Variants in CORO7 observed in about 807,000 individuals in gnomAD.
CORO7 encodes the protein coronin 7.
A neutral mutation model predicts 126.6 loss-of-function variants in CORO7; 107 were observed. That is an observed-to-expected ratio of 0.85 (90% confidence interval 0.72 to 0.99). CORO7 has a LOEUF of 0.99. Ranked by LOEUF, CORO7 falls within the 50% of genes least tolerant of loss-of-function variation. The pLI is 0.00. For missense variants in CORO7, 1,314 were observed against 1,255.8 expected (o/e 1.05, Z -0.70); for synonymous variants, 603 against 536.8 (o/e 1.12, Z -1.70).
At chr16:4,397,582 A>C (rs193210259) in intron 6 of CORO7, 4 of 152,218 alleles carry the variant, frequency 2.6e-5, no homozygotes, top group African/African-American at 9.7e-5. Flanking sequence ...GCAATACGGC[A>C]AAGTCCATCA....
intron 9 of CORO7, among the ~76,000 whole-genome samples, chr16:4,385,465 C>G (rs778063621): frequency 6.6e-6 from 1 of 152,188 alleles, no homozygotes; most frequent in Non-Finnish European, 1.5e-5. Flanking sequence ...CACTCATCCC[C>G]GCTCAATTCA....
chr16:4,368,259 A>G (rs1194365134), intron 9 of CORO7, among the ~76,000 whole-genome samples: 1 of 152,054 alleles, frequency 6.6e-6, no homozygotes, highest in African/African-American at 2.4e-5. Flanking sequence ...AGGCAGGAGA[A>G]CCACTTGAAC....
chr16:4,361,181 C>T lies in CORO7; in HGVS notation c.1755G>A (p.Thr585=), dbSNP rs577331784. ...CCTGACCTGTGAGCACAGTCTCTGG[C>T]GTGGTGAGCACCTCTTCCAGGCCCT... is the stretch of plus-strand genomic sequence containing the variant. The part of the protein sequence containing the change: ...PAEGLEEVLT[T]PETVLTGHTE... Residue 585 remains threonine (T), a synonymous_variant, in exon 18 of 28, where the codon ACG becomes ACA. Coordinates refer to ENST00000251166, the MANE Select transcript of CORO7 (RefSeq NM_024535.5). 51 of 1,612,740 alleles carry T rather than the reference C, an allele frequency of 3.2e-5. No homozygotes were observed. The highest frequency in any genetic ancestry group is 3.3e-4 in the Middle Eastern group (2 of 6,034).
At chr16:4,411,626 C>T (rs1025951210) in intron 3 of CORO7, among the ~76,000 whole-genome samples, 1 of 152,120 alleles carries the variant, frequency 6.6e-6, no homozygotes, top group African/African-American at 2.4e-5. Flanking sequence ...TAAATCTTTA[C>T]TATTGTTATT....
chr16:4,381,978 G>A (rs775506831), intron 9 of CORO7: 43 of 1,608,000 alleles, frequency 2.7e-5, no homozygotes, highest in Non-Finnish European at 3.6e-5. Context: ...TGGTGCGGGA[G>A]CCCACAGCCT....
At chr16:4,359,192 A>G (rs2054077231) in intron 23 of CORO7, 104 bp downstream of exon 23, 2 of 1,285,960 alleles carry the variant, frequency 1.6e-6, no homozygotes, top group Admixed American at 2.7e-5. Context: ...CCAGCCCAGG[A>G]CTCTGACCCC....
At chr16:4,357,381 G>T (rs1433599803) in intron 25 of CORO7, 122 bp from the exon 26 acceptor site, 11 of 1,060,796 alleles carry the variant, frequency 1.0e-5, no homozygotes, top group Non-Finnish European at 1.4e-5. Context: ...TTTTGAGATG[G>T]AGTTTTGCTC....
intron 7 of CORO7, among the ~76,000 whole-genome samples, chr16:4,394,658 G>T (rs1821643861): frequency 6.6e-6 from 1 of 152,170 alleles, no homozygotes; most frequent in Admixed American, 6.5e-5. Flanking sequence ...GAAGCCCCCA[G>T]CAACTACCTG....
intron 9 of CORO7, among the ~76,000 whole-genome samples, chr16:4,377,099 C>T (rs1474793159): frequency 6.6e-6 from 1 of 152,180 alleles, no homozygotes; most frequent in Admixed American, 6.5e-5. Flanking sequence ...GCTGTGGACC[C>T]TGTCGCCCTA....
intron 6 of CORO7, among the ~76,000 whole-genome samples, chr16:4,405,283 C>T (rs1407937791): frequency 6.6e-6 from 1 of 152,258 alleles, no homozygotes; most frequent in Non-Finnish European, 1.5e-5. Flanking sequence ...GGGCTCTCAT[C>T]TGACAGGGGC....
chr16:4,389,573 G>A (rs979433334), intron 7 of CORO7, among the ~76,000 whole-genome samples: 3 of 152,186 alleles, frequency 2.0e-5, no homozygotes, highest in South Asian at 2.1e-4. Context: ...GGAGACCATC[G>A]GAAACGGCTC....
intron 19 of CORO7, 41 bp downstream of exon 19, chr16:4,360,879 CACCTCTCCACACTGCTGGCCCCG>C (rs1429831547): frequency 8.7e-6 from 3 of 345,432 alleles, no homozygotes; most frequent in Non-Finnish European, 1.4e-5. Context: ...CTGCTGGCCC[CACCTCTCCACACTGCTGGCCCCG>C]CCTCTCCACA....
rs144121826 is a variant in CORO7 at position 4,359,438 on chromosome 16, C to A, written c.2250+42G>T. On this transcript the variant is annotated intron_variant, in intron 22 of 27. Transcript: ENST00000251166. ...CCTCCGGCAACACTGGCCTTCCCCC[C>A]ACCACCTCTCACCTGCCATCCCGCC... 9.7e-3 allele frequency: 15,688 copies of A among 1,613,458 alleles called. 89 individuals carry two copies. Among genetic ancestry groups the A allele is most frequent in the Middle Eastern group, 0.02 (121 of 6,058 alleles).
chr16:4,377,506 G>T (rs1250419172), intron 9 of CORO7, among the ~76,000 whole-genome samples: 2 of 152,182 alleles, frequency 1.3e-5, no homozygotes, highest in African/African-American at 4.8e-5. Context: ...CAGAACAACA[G>T]AAAACTACAA....
rs781068778 is a variant in CORO7 at position 4,381,334 on chromosome 16, C to G, written c.785+6652G>C. On this transcript the variant is annotated intron_variant, in intron 9 of 27. Transcript: ENST00000251166. ...CGACACGCTCGACCGCCTCCTGGAG[C>G]TCAAGCTGCAGGACAACGAGCTGCG... The G allele has an allele frequency of 2.5e-6, 4 of 1,609,604 alleles. No individual in the cohort carries two copies. In the East Asian group the frequency reaches 9.0e-5, roughly 36 times the overall value.
intron 1 of CORO7, among the ~76,000 whole-genome samples, chr16:4,415,157 C>T (rs2056360276): frequency 6.6e-6 from 1 of 152,132 alleles, no homozygotes; most frequent in Non-Finnish European, 1.5e-5. Flanking sequence ...CCAGCCCCTC[C>T]CCCTAACTTT....
chr16:4,382,173 C>T (rs1372155836), intron 9 of CORO7: 8 of 1,595,044 alleles, frequency 5.0e-6, no homozygotes, highest in Middle Eastern at 3.3e-4. Flanking sequence ...CGTGCTTGTG[C>T]CCCGAAGGCT....
chr16:4,361,745 T>G (rs1230713605), intron 16 of CORO7: 1 of 812,742 alleles, frequency 1.2e-6, no homozygotes, highest in Non-Finnish European at 2.1e-6. Flanking sequence ...GCTCCACCAC[T>G]TACACAGCTG....
At chr16:4,415,975 C>T in intron 1 of CORO7, 1 of 743,260 alleles carries the variant, frequency 1.3e-6, no homozygotes, top group Non-Finnish European at 1.6e-6. Context: ...CGAGGGGCTC[C>T]CTCCCCACCA....
Sources: gnomAD v4.1 joint callset for allele counts (sites outside exome capture counted in the v4.1 genomes callset) on GRCh38, gnomAD v4.1.1 for gene constraint, MANE v1.5 for transcripts, NCBI Gene and HGNC (gene_info 2026-07-23, HGNC 2026-07-21) for gene names.